The following PPM1L variants were observed in gnomAD, a reference collection of about 807,000 sequenced individuals.
PPM1L encodes the protein protein phosphatase 1L.
Under a neutral mutation model 31.4 loss-of-function variants are expected in PPM1L, and 13 were observed. The observed-to-expected ratio is 0.41, with a 90% CI of 0.27 to 0.66. The LOEUF (loss-of-function observed/expected upper bound fraction) is 0.66. Ranked by LOEUF, PPM1L falls within the 30% of genes least tolerant of loss-of-function variation. PPM1L has a pLI of 0.29. For synonymous variants in PPM1L, 184 were observed against 175.4 expected (o/e 1.05, Z -0.39); for missense variants, 326 against 453.7 (o/e 0.72, Z 2.56).
chr3:161,019,568 T>C (rs1718184267), intron 2 of PPM1L, among the ~76,000 whole-genome samples: 2 of 152,190 alleles, frequency 1.3e-5, no homozygotes, highest in South Asian at 2.1e-4. Flanking sequence ...GGTTTTTAGC[T>C]ACTACAAAGA....
At chr3:161,067,031 C>T (rs545214526) in intron 3 of PPM1L, among the ~76,000 whole-genome samples, 1 of 152,152 alleles carries the variant, frequency 6.6e-6, no homozygotes, top group African/African-American at 2.4e-5. Flanking sequence ...GCAGTAGGAG[C>T]AAAGTTCTCT....
rs183353900 is a variant in PPM1L, at chr3:160,915,487, A to G, written c.400-46249A>G. On this transcript the variant is annotated intron_variant, in intron 1 of 3. Transcript: ENST00000498165. ...ATCATGAAAATGGCCATACTACCCAAGGTAATTTATAGATTCAATGCCATC... is the reference window on the plus strand; with the variant it reads ...ATCATGAAAATGGCCATACTACCCAGGGTAATTTATAGATTCAATGCCATC... 7.4e-3 allele frequency among the ~76,000 whole-genome samples: 937 copies of G among 125,844 alleles called. 7 individuals are homozygous for G. Among genetic ancestry groups the G allele is most frequent in the African/African-American group, 0.028 (886 of 31,412 alleles). 82.6% of individuals were successfully genotyped at this position (125,844 alleles called of 152,430 possible).
At chr3:160,771,769 GC>G (rs1416706961) in intron 1 of PPM1L, among the ~76,000 whole-genome samples, 1 of 151,804 alleles carries the variant, frequency 6.6e-6, no homozygotes, top group Non-Finnish European at 1.5e-5. Flanking sequence ...TAATCTAAGT[GC>G]CAGCCATAGC....
intron 1 of PPM1L, among the ~76,000 whole-genome samples, chr3:160,767,657 G>T (rs112396023): frequency 0.017 from 2,521 of 152,098 alleles, 67 homozygotes; most frequent in African/African-American, 0.057. Context: ...TGCAAATTTT[G>T]GTCATTATAA....
chr3:160,927,618 G>A (rs1202425617), intron 1 of PPM1L, among the ~76,000 whole-genome samples: 1 of 152,012 alleles, frequency 6.6e-6, no homozygotes, highest in Non-Finnish European at 1.5e-5. Flanking sequence ...GTGTGTGTGT[G>A]TGTGTGTGTG....
At chr3:160,919,088 CCTTT>C (rs1714296578) in intron 1 of PPM1L, among the ~76,000 whole-genome samples, 1 of 152,082 alleles carries the variant, frequency 6.6e-6, no homozygotes, top group Non-Finnish European at 1.5e-5. Context: ...TCTTTGAAAT[CCTTT>C]TTATATGAAT....
At chr3:160,979,185 A>G (rs1349625972) in intron 2 of PPM1L, among the ~76,000 whole-genome samples, 6 of 152,060 alleles carry the variant, frequency 3.9e-5, no homozygotes, top group African/African-American at 1.4e-4. Flanking sequence ...GCATGGTGAG[A>G]TGTAACATTC....
chr3:160,842,235 G>C, intron 1 of PPM1L: 1 of 702,144 alleles, frequency 1.4e-6, no homozygotes, highest in South Asian at 1.5e-5. Context: ...GAGGGTAGGA[G>C]GGATGCTGGT....
At chr3:160,858,227 T>A (rs1244469170) in intron 1 of PPM1L, among the ~76,000 whole-genome samples, 2 of 152,156 alleles carry the variant, frequency 1.3e-5, no homozygotes, top group East Asian at 3.9e-4. Context: ...CAAAGCAAAG[T>A]TATTTAAAAT....
chr3:160,961,877 C>T lies in PPM1L; in HGVS notation c.541C>T (p.Leu181=). The T allele has an allele frequency of 1.3e-6, 2 of 1,589,730 alleles. No homozygotes were observed. The highest frequency in any genetic ancestry group is 1.2e-5 in the South Asian group (1 of 85,600). Reference sequence around the variant, plus strand: ...GATTTTGTCAATTGACCGAGAAATGCTAGAAAAATTGACTGTATCCTATGA... The same window carrying T: ...GATTTTGTCAATTGACCGAGAAATGTTAGAAAAATTGACTGTATCCTATGA... ...QQILSIDREM[L]EKLTVSYDEA... Residue 181 remains leucine (L), a synonymous_variant, in exon 2 of 4, where the codon CTA becomes TTA. Coordinates refer to ENST00000498165, the MANE Select transcript of PPM1L (RefSeq NM_139245.4).
chr3:161,018,816 G>T (rs1718159169), intron 2 of PPM1L, among the ~76,000 whole-genome samples: 1 of 152,214 alleles, frequency 6.6e-6, no homozygotes, highest in Non-Finnish European at 1.5e-5. Flanking sequence ...TCCAAGGTAT[G>T]TTCCTTGGCA....
In PPM1L at chr3:160,986,498, A is replaced by G. The variant is rs543645135; in HGVS notation, c.574+24588A>G. 5.3e-5 allele frequency among the ~76,000 whole-genome samples: 8 copies of G among 152,348 alleles called. No homozygotes were observed. In the South Asian group the frequency reaches 1.7e-3, roughly 32 times the overall value. On this transcript the variant is annotated intron_variant, in intron 2 of 3. Transcript: ENST00000498165. The stretch of plus-strand genomic sequence containing the variant: ...AGAATGAGAAAAGAAATCACAATAA[A>G]TTACAAATTGTAAAGAGTTAACCAC...
intron 1 of PPM1L, among the ~76,000 whole-genome samples, chr3:160,842,779 G>T (rs1022653639): frequency 1.3e-5 from 2 of 152,156 alleles, no homozygotes; most frequent in African/African-American, 4.8e-5. Flanking sequence ...CACAGATTTT[G>T]ATGTCTAGGT....
intron 1 of PPM1L, among the ~76,000 whole-genome samples, chr3:160,912,561 T>C (rs577197521): frequency 6.6e-6 from 1 of 152,300 alleles, no homozygotes; most frequent in Admixed American, 6.5e-5. Context: ...TGTCTTTTAC[T>C]AAGGTCTGAA....
chr3:160,852,780 A>G (rs1394067368), intron 1 of PPM1L, among the ~76,000 whole-genome samples: 1 of 152,230 alleles, frequency 6.6e-6, no homozygotes, highest in Non-Finnish European at 1.5e-5. Context: ...CAGGTCATTT[A>G]CTGTAGAATT....
At chr3:161,009,429 A>C (rs1260823102) in intron 2 of PPM1L, among the ~76,000 whole-genome samples, 1 of 152,210 alleles carries the variant, frequency 6.6e-6, no homozygotes, top group Non-Finnish European at 1.5e-5. Flanking sequence ...TTAGAGATGC[A>C]GTGTTTGTTT....
chr3:160,998,198 A>C (rs1035811805), intron 2 of PPM1L, among the ~76,000 whole-genome samples: 9 of 152,188 alleles, frequency 5.9e-5, no homozygotes, highest in African/African-American at 1.4e-4. Context: ...ACATAATGAA[A>C]GTGCCCCAAG....
chr3:160,881,338 A>G (rs916453467), intron 1 of PPM1L, among the ~76,000 whole-genome samples: 3 of 152,128 alleles, frequency 2.0e-5, no homozygotes, highest in African/African-American at 4.8e-5. Context: ...CATTTTTTTC[A>G]TGATGGAGAG....
At chr3:160,979,970 C>T (rs1050249269) in intron 2 of PPM1L, among the ~76,000 whole-genome samples, 10 of 152,152 alleles carry the variant, frequency 6.6e-5, no homozygotes, top group African/African-American at 2.4e-4. Context: ...TAATAAGGTC[C>T]AAGGCATGCC....
Sources: gnomAD v4.1 joint callset for allele counts (sites outside exome capture counted in the v4.1 genomes callset) on GRCh38, gnomAD v4.1.1 for gene constraint, MANE v1.5 for transcripts, NCBI Gene and HGNC (gene_info 2026-07-23, HGNC 2026-07-21) for gene names.